SLX4IP: variants seen among roughly 807,000 people sequenced by gnomAD.
The protein encoded by SLX4IP is SLX4 interacting protein, also known as protein SLX4IP.
Under a neutral mutation model 32.9 loss-of-function variants are expected in SLX4IP, and 34 were observed. The ratio of observed to expected loss-of-function variants is 1.03; its 90% confidence interval spans 0.79 to 1.38. SLX4IP has a LOEUF of 1.38. SLX4IP is among the 40% of genes most tolerant of loss of function. The probability of loss-of-function intolerance (pLI) is 0.00; values close to 1 mark genes in which losing one functional copy is unlikely to be tolerated. For synonymous variants in SLX4IP, 172 were observed against 171.7 expected, an observed-to-expected ratio of 1.00 and a Z score of -0.01; for missense variants, 444 against 479.0, an observed-to-expected ratio of 0.93 and a Z score of 0.68.
At chr20:10,465,608 T>C (rs2065374264) in intron 2 of SLX4IP, among the ~76,000 whole-genome samples, 1 of 152,200 alleles carries the variant, frequency 6.6e-6, no homozygotes, top group Admixed American at 6.5e-5. Context: ...CAGGTTCAAG[T>C]GATTCTCTTG....
intron 6 of SLX4IP, chr20:10,613,022 A>T (rs1055781496): frequency 2.7e-5 from 6 of 220,166 alleles, no homozygotes; most frequent in Non-Finnish European, 5.4e-5. Context: ...AAGTATGTGG[A>T]AGATAGCTGT....
chr20:10,502,531 G>A (rs560537552), intron 2 of SLX4IP, among the ~76,000 whole-genome samples: 1 of 151,606 alleles, frequency 6.6e-6, no homozygotes, highest in African/African-American at 2.4e-5. Flanking sequence ...GGACTTCTTC[G>A]AAGATGCCAG....
At chr20:10,564,631 T>C (rs1435227587) in intron 4 of SLX4IP, among the ~76,000 whole-genome samples, 1 of 152,206 alleles carries the variant, frequency 6.6e-6, no homozygotes, top group African/African-American at 2.4e-5. Context: ...TATAAACAAT[T>C]TGCATAAATG....
At chr20:10,441,615 T>C (rs1344345507) in intron 1 of SLX4IP, among the ~76,000 whole-genome samples, 3 of 152,200 alleles carry the variant, frequency 2.0e-5, no homozygotes, top group African/African-American at 7.2e-5. Context: ...GGAATTATTC[T>C]TGGTAGAGTA....
chr20:10,561,743 A>T (rs2066334818), intron 4 of SLX4IP, among the ~76,000 whole-genome samples: 1 of 152,000 alleles, frequency 6.6e-6, no homozygotes, highest in Non-Finnish European at 1.5e-5. Flanking sequence ...TTTAGCTCCC[A>T]CTTACAAGTT....
intron 2 of SLX4IP, among the ~76,000 whole-genome samples, chr20:10,465,748 C>T (rs538164908): frequency 6.7e-4 from 102 of 152,366 alleles, no homozygotes; most frequent in African/African-American, 2.2e-3. Flanking sequence ...TTTAGTGATC[C>T]GCCTGCCTCT....
At chr20:10,465,922 C>T (rs2065377041) in intron 2 of SLX4IP, among the ~76,000 whole-genome samples, 1 of 152,186 alleles carries the variant, frequency 6.6e-6, no homozygotes, top group Non-Finnish European at 1.5e-5. Context: ...ATTGCTGTAT[C>T]CTTGGTACTC....
chr20:10,621,375 C>T lies in SLX4IP; in HGVS notation c.467C>T (p.Pro156Leu). The T allele has an allele frequency of 1.2e-6, 2 of 1,614,186 alleles. No homozygotes were observed. The highest frequency in any genetic ancestry group is 1.7e-6 in the Non-Finnish European group (2 of 1,180,030). The part of the protein sequence containing the change: ...YFAECAESSL[P>L]PSAKLRRNAL... The stretch of plus-strand genomic sequence containing the variant: ...GCTGAGTGTGCAGAGAGTTCACTTC[C>T]TCCCAGTGCAAAGCTCCGGAGAAAT... Residue 156 changes from proline to leucine, a missense_variant, in exon 7 of 8, where the codon CCT becomes CTT. By Grantham distance (98) the Pro-to-Leu change is moderately conservative. Transcript: ENST00000334534.
At chr20:10,579,928 G>A (rs1343746835) in intron 4 of SLX4IP, among the ~76,000 whole-genome samples, 1 of 151,946 alleles carries the variant, frequency 6.6e-6, no homozygotes, top group African/African-American at 2.4e-5. Flanking sequence ...ATTTTAAATT[G>A]TTATAAATAT....
At chr20:10,468,156 CACCCT>C (rs2122357837) in intron 2 of SLX4IP, among the ~76,000 whole-genome samples, 1 of 152,320 alleles carries the variant, frequency 6.6e-6, no homozygotes, top group African/African-American at 2.4e-5. Flanking sequence ...TGCCTCCACA[CACCCT>C]GGGCTTGCCA....
Position 10,472,554 on chromosome 20 carries a change from A to G in SLX4IP, c.27+14323A>G, listed in dbSNP as rs1019092887. Among the ~76,000 whole-genome samples the G allele has an allele frequency of 2.2e-4, 34 of 152,060 alleles. 1 individual carries two copies. ...CTGGTAATACTATACATTTTTATTT[A>G]AGGGATTTTTGTGTGCATGGTATAA... On this transcript the variant is annotated intron_variant, in intron 2 of 7. Coordinates refer to ENST00000334534, the MANE Select transcript of SLX4IP (RefSeq NM_001009608.3).
Position 10,514,843 on chromosome 20 carries a change from T to A in SLX4IP, c.28-41388T>A, listed in dbSNP as rs567654102. The stretch of plus-strand genomic sequence containing the variant: ...GTTTTGTATTTTTTAGGTGGAGAAG[T>A]GTCCCACCACCCTGTTGCATCCGCT... On this transcript the variant is annotated intron_variant, in intron 2 of 7. Transcript: ENST00000334534. Among the ~76,000 whole-genome samples, 3 of 152,288 alleles carry A rather than the reference T, an allele frequency of 2.0e-5. No individual in the cohort carries two copies. The South Asian group carries it at 6.2e-4, about 32-fold the overall frequency.
chr20:10,560,930 T>A, intron 4 of SLX4IP, 110 bp downstream of exon 4: 1 of 1,074,170 alleles, frequency 9.3e-7, no homozygotes, highest in Non-Finnish European at 1.2e-6. Context: ...TGATACATTT[T>A]AAAAATATGT....
At chr20:10,584,522 T>A (rs2066622958) in intron 4 of SLX4IP, among the ~76,000 whole-genome samples, 1 of 152,186 alleles carries the variant, frequency 6.6e-6, no homozygotes, top group Non-Finnish European at 1.5e-5. Context: ...ATCAACAAAA[T>A]AAGATTTAGA....
chr20:10,473,782 G>A (rs1318338239), intron 2 of SLX4IP, among the ~76,000 whole-genome samples: 1 of 150,606 alleles, frequency 6.6e-6, no homozygotes, highest in African/African-American at 2.4e-5. Context: ...TTTAAAAAAT[G>A]TTTAGTAGAG....
intron 2 of SLX4IP, among the ~76,000 whole-genome samples, chr20:10,474,401 C>T (rs1568697994): frequency 6.6e-6 from 1 of 152,178 alleles, no homozygotes; most frequent in Non-Finnish European, 1.5e-5. Context: ...ATATTCTAAG[C>T]CCTAACTTCG....
intron 4 of SLX4IP, among the ~76,000 whole-genome samples, chr20:10,589,955 AT>A (rs922668111): frequency 2.0e-5 from 3 of 151,742 alleles, no homozygotes; most frequent in East Asian, 1.9e-4. Flanking sequence ...TTTACTTTGA[AT>A]TTTTTTTAAC....
At chr20:10,487,470 TA>T (rs1455870316) in intron 2 of SLX4IP, among the ~76,000 whole-genome samples, 1 of 152,196 alleles carries the variant, frequency 6.6e-6, no homozygotes, top group Non-Finnish European at 1.5e-5. Flanking sequence ...CAGGCATACT[TA>T]GGCAGCAGGG....
chr20:10,567,418 C>T (rs1413763226), intron 4 of SLX4IP, among the ~76,000 whole-genome samples: 2 of 152,080 alleles, frequency 1.3e-5, no homozygotes, highest in Non-Finnish European at 2.9e-5. Flanking sequence ...CTCCTTCTGC[C>T]GTGTGAGGAT....
Sources: gnomAD v4.1 joint callset for allele counts (sites outside exome capture counted in the v4.1 genomes callset) on GRCh38, gnomAD v4.1.1 for gene constraint, MANE v1.5 for transcripts, NCBI Gene and HGNC (gene_info 2026-07-23, HGNC 2026-07-21) for gene names.